Variants in METTL22 observed in about 807,000 individuals in gnomAD.
METTL22 encodes the protein methyltransferase 22, Kin17 lysine, also known as methyltransferase-like protein 22.
METTL22 carries 51 observed loss-of-function variants against 48.4 expected under a neutral mutation model. The ratio of observed to expected loss-of-function variants is 1.05; its 90% CI spans 0.84 to 1.33. METTL22 has a LOEUF of 1.33. METTL22 is among the 40% of genes most tolerant of loss of function. The pLI is 0.00. For missense variants in METTL22, 678 were observed against 526.9 expected, an observed-to-expected ratio of 1.29 and a Z score of -2.81; for synonymous variants, 255 against 214.1, an observed-to-expected ratio of 1.19 and a Z score of -1.67.
At chr16:8,622,986 C>T (rs2055905969) in intron 1 of METTL22, among the ~76,000 whole-genome samples, 1 of 152,112 alleles carries the variant, frequency 6.6e-6, no homozygotes, top group Non-Finnish European at 1.5e-5. Flanking sequence ...AAGCAAAGAA[C>T]ATTGATTTTT....
At chr16:8,666,663 T>A in the METTL22 span, 1 of 152,154 alleles carries the variant, frequency 6.6e-6, no homozygotes, top group Non-Finnish European at 1.5e-5. Flanking sequence ...CTATGTAAAG[T>A]CATGTAATTC....
At chr16:8,654,744 C>T in the METTL22 span, among the ~76,000 whole-genome samples, 81 of 152,274 alleles carry the variant, frequency 5.3e-4, no homozygotes, top group African/African-American at 1.7e-3. Context: ...GCTTGGTGCT[C>T]CTCCAACTGA....
intron 8 of METTL22, 73 bp from the exon 9 acceptor site, chr16:8,642,390 G>T (rs116252891): frequency 6.9e-7 from 1 of 1,439,788 alleles, no homozygotes; most frequent in Non-Finnish European, 9.8e-7. Context: ...TCTCTGTGCG[G>T]ATTGCTCTGA....
At chr16:8,663,065 G>C in the METTL22 span, among the ~76,000 whole-genome samples, 1 of 151,348 alleles carries the variant, frequency 6.6e-6, no homozygotes, top group Admixed American at 6.6e-5. Flanking sequence ...AAAATTAGCC[G>C]GGCATGATGG....
intron 3 of METTL22, chr16:8,631,542 C>G (rs907568820): frequency 6.6e-6 from 1 of 152,222 alleles, no homozygotes; most frequent in African/African-American, 2.4e-5. Context: ...AAGCTCTTAG[C>G]GTAATGCCTG....
intron 5 of METTL22, among the ~76,000 whole-genome samples, chr16:8,638,515 G>A (rs556916570): frequency 3.3e-5 from 5 of 152,262 alleles, no homozygotes; most frequent in African/African-American, 9.6e-5. Flanking sequence ...GGAGATCTGG[G>A]TGGCAGCAAA....
the METTL22 span, among the ~76,000 whole-genome samples, chr16:8,656,273 T>C: frequency 1.3e-5 from 2 of 152,210 alleles, no homozygotes; most frequent in Non-Finnish European, 2.9e-5. Flanking sequence ...GAAAAGCATT[T>C]TGAAGTTTAT....
rs754580282 is a variant in METTL22 at position 8,644,625 on chromosome 16, A to G, written c.1079A>G (p.His360Arg). The change falls in exon 10 of 11, where the codon CAC becomes CGC. Residue 360 changes from histidine (H) to arginine (R), a missense_variant. Transcript: ENST00000381920. ...TACGATCACTTCCGCTCCTGCCTGC[A>G]CGCGCTGGAGCAGCTCGCAGATGGC... ...EAYDHFRSCLHALEQLADGKL... is the reference protein window; with the variant it reads ...EAYDHFRSCLRALEQLADGKL... The G allele has an allele frequency of 1.9e-5, 30 of 1,606,082 alleles. No homozygotes were observed. The highest frequency in any genetic ancestry group is 2.5e-5 in the Non-Finnish European group (29 of 1,176,452).
the METTL22 span, among the ~76,000 whole-genome samples, chr16:8,665,643 A>G: frequency 6.6e-6 from 1 of 152,134 alleles, no homozygotes; most frequent in Non-Finnish European, 1.5e-5. Flanking sequence ...GAAGAGAAAA[A>G]CCCTACTCTG....
the METTL22 span, among the ~76,000 whole-genome samples, chr16:8,665,399 T>G: frequency 6.6e-6 from 1 of 152,158 alleles, no homozygotes; most frequent in Non-Finnish European, 1.5e-5. Flanking sequence ...AGTCAGGAGC[T>G]GCCTCTGGGA....
intron 6 of METTL22, among the ~76,000 whole-genome samples, chr16:8,640,265 C>G (rs1455841341): frequency 1.3e-5 from 2 of 152,030 alleles, no homozygotes; most frequent in African/African-American, 4.8e-5. Context: ...GAAGCCTTCC[C>G]TGACATCCGC....
intron 7 of METTL22, chr16:8,641,535 T>G: frequency 2.0e-6 from 1 of 507,162 alleles, no homozygotes; most frequent in Non-Finnish European, 3.8e-6. Context: ...ACAGACCATT[T>G]CCCAACAAAC....
At chr16:8,633,679 C>T (rs949089375) in intron 3 of METTL22, among the ~76,000 whole-genome samples, 1 of 152,240 alleles carries the variant, frequency 6.6e-6, no homozygotes, top group African/African-American at 2.4e-5. Flanking sequence ...CTCTCTGTGA[C>T]CACAGCCTGC....
chr16:8,629,529 G>A lies in METTL22; in HGVS notation c.514+419G>A, dbSNP rs111826839. Among the ~76,000 whole-genome samples the A allele has an allele frequency of 1.2e-4, 18 of 152,316 alleles. 1 individual carries two copies. Among genetic ancestry groups the A allele is most frequent in the African/African-American group, 4.3e-4 (18 of 41,572 alleles). On this transcript the variant is annotated intron_variant, in intron 3 of 10. Coordinates refer to ENST00000381920, the MANE Select transcript of METTL22 (RefSeq NM_024109.4). ...CTGGGCTGGCAGTAGGGAGCCATGG[G>A]AGGTTCTGGAGCTGGAGTGTGGCAG...
chr16:8,657,067 T>C, the METTL22 span, among the ~76,000 whole-genome samples: 2 of 152,162 alleles, frequency 1.3e-5, no homozygotes, highest in African/African-American at 2.4e-5. Context: ...ACTGTTACAA[T>C]AGGAATACAC....
intron 1 of METTL22, among the ~76,000 whole-genome samples, chr16:8,624,654 C>T (rs938646612): frequency 6.6e-6 from 1 of 151,864 alleles, no homozygotes; most frequent in African/African-American, 2.4e-5. Context: ...TGGCTTGAGC[C>T]CAAGAATTTG....
rs566128670 is a variant in METTL22, at chr16:8,644,766, T to C, written c.1179+41T>C. 24 of 1,494,580 alleles carry C rather than the reference T, an allele frequency of 1.6e-5. No homozygotes were observed. The South Asian group carries it at 3.2e-4, about 20-fold the overall frequency. The allele number at this position is 1,494,580 out of a possible 1,614,324, so 92.6% of individuals were successfully genotyped here. On this transcript the variant is annotated intron_variant, in intron 10 of 10. Coordinates refer to ENST00000381920, the MANE Select transcript of METTL22 (RefSeq NM_024109.4). ...GAAGCAGGGCCGTTGGTTGCTTTAC[T>C]GTGAAGCGGGTGACTCCAGGGCAAA...
chr16:8,634,190 C>G (rs2056353291), intron 3 of METTL22, among the ~76,000 whole-genome samples: 1 of 152,196 alleles, frequency 6.6e-6, no homozygotes, highest in South Asian at 2.1e-4. Flanking sequence ...CCAGATTTTC[C>G]CAGGAGGAGC....
rs1021847684 is a variant in METTL22, at chr16:8,645,114, T to C, written c.1179+389T>C. 3.0e-5 allele frequency: 5 copies of C among 166,334 alleles called. No homozygotes were observed. In the East Asian group the frequency reaches 6.7e-4, roughly 22 times the overall value. The allele number at this position is 166,334 out of a possible 1,614,324, so 10.3% of individuals were successfully genotyped here. On this transcript the variant is annotated intron_variant, in intron 10 of 10. Transcript: ENST00000381920. The stretch of plus-strand genomic sequence containing the variant: ...CGCTGTGGTGGCCGCTGCTCACATC[T>C]TCACTGTGGAAGGATACCAGCCCCT...
Sources: allele counts gnomAD v4.1 joint callset (sites outside exome capture counted in the v4.1 genomes callset), GRCh38; gene constraint gnomAD v4.1.1; transcripts MANE v1.5; gene names NCBI Gene and HGNC (gene_info 2026-07-23, HGNC 2026-07-21).